The following KLHL32 variants were observed in gnomAD, a reference collection of about 807,000 sequenced individuals.
KLHL32 encodes kelch like family member 32.
A neutral mutation model predicts 64.8 loss-of-function variants in KLHL32; 35 were observed. The observed-to-expected ratio is 0.54, with a 90% CI of 0.41 to 0.72. KLHL32 has a LOEUF of 0.72. KLHL32 is among the 30% of genes least tolerant of loss of function. The pLI is 0.00. For synonymous variants in KLHL32, 259 were observed against 281.0 expected (o/e 0.92, Z 0.78); for missense variants, 589 against 768.5 (o/e 0.77, Z 2.76).
chr6:96,942,024 C>T (rs1771353447), intron 1 of KLHL32, among the ~76,000 whole-genome samples: 1 of 152,180 alleles, frequency 6.6e-6, no homozygotes, highest in Admixed American at 6.5e-5. Flanking sequence ...TATATAGTAA[C>T]TTAGGTAAGG....
At chr6:96,939,106 T>C (rs1282037603) in intron 1 of KLHL32, among the ~76,000 whole-genome samples, 1 of 152,240 alleles carries the variant, frequency 6.6e-6, no homozygotes. Flanking sequence ...CCACACCTTA[T>C]TGGCTTGCAT....
intron 1 of KLHL32, among the ~76,000 whole-genome samples, chr6:96,943,312 G>C (rs901513676): frequency 2.0e-5 from 3 of 151,734 alleles, no homozygotes; most frequent in African/African-American, 7.3e-5. Flanking sequence ...GCTCTTAAAG[G>C]GTTGGTCTCT....
At chr6:97,093,162 TA>T (rs11343381) in intron 6 of KLHL32, among the ~76,000 whole-genome samples, 93,256 of 151,956 alleles carry the variant, frequency 0.61, 28,751 homozygotes, top group African/African-American at 0.67. Context: ...ATATTGCTGC[TA>T]ACCTGGGTTA....
At chr6:97,001,347 A>G (rs1779009073) in intron 3 of KLHL32, among the ~76,000 whole-genome samples, 2 of 152,216 alleles carry the variant, frequency 1.3e-5, no homozygotes, top group African/African-American at 4.8e-5. Context: ...CATACATTTT[A>G]TTAATTAAAT....
chr6:96,974,583 C>T (rs1377231742), intron 2 of KLHL32, among the ~76,000 whole-genome samples: 11 of 152,168 alleles, frequency 7.2e-5, no homozygotes, highest in Non-Finnish European at 1.5e-4. Context: ...ATATCATCAC[C>T]GTCTGTCAAG....
At chr6:97,124,504 G>A (rs943484930) in intron 7 of KLHL32, among the ~76,000 whole-genome samples, 1 of 152,104 alleles carries the variant, frequency 6.6e-6, no homozygotes, top group Non-Finnish European at 1.5e-5. Context: ...GAGAGGGGAT[G>A]TAATAGCTAC....
At chr6:97,046,499 T>C (rs78303912) in intron 4 of KLHL32, among the ~76,000 whole-genome samples, 1 of 152,196 alleles carries the variant, frequency 6.6e-6, no homozygotes, top group Non-Finnish European at 1.5e-5. Flanking sequence ...TTGGAAACTG[T>C]GCCTTTTCAA....
At chr6:97,024,965 A>G (rs1782516341) in intron 3 of KLHL32, 2 of 982,960 alleles carry the variant, frequency 2.0e-6, no homozygotes, top group South Asian at 4.7e-5. Context: ...TTTAAAGTAA[A>G]ATTTGCATTC....
chr6:97,074,463 G>A (rs1284503474), intron 5 of KLHL32, among the ~76,000 whole-genome samples: 2 of 152,052 alleles, frequency 1.3e-5, no homozygotes, highest in Middle Eastern at 3.2e-3. Context: ...TAAAGATATT[G>A]ATGCTATGTA....
chr6:96,936,661 G>A (rs936873337), intron 1 of KLHL32, among the ~76,000 whole-genome samples: 4 of 152,104 alleles, frequency 2.6e-5, no homozygotes, highest in Non-Finnish European at 4.4e-5. Flanking sequence ...GGTCTTCTTT[G>A]CCTCCTATAG....
chr6:97,034,083 T>C (rs982818461), intron 3 of KLHL32, among the ~76,000 whole-genome samples: 9 of 151,788 alleles, frequency 5.9e-5, no homozygotes, highest in African/African-American at 2.2e-4. Flanking sequence ...TGGTGTCTTA[T>C]CCAAAAAATT....
chr6:96,935,385 G>A (rs1265420715), intron 1 of KLHL32, among the ~76,000 whole-genome samples: 1 of 152,172 alleles, frequency 6.6e-6, no homozygotes, highest in Non-Finnish European at 1.5e-5. Context: ...GACTAGAATT[G>A]TTTTATTGAG....
At chr6:96,921,975 T>C (rs975294656), upstream of KLHL32, among the ~76,000 whole-genome samples, 4 of 152,190 alleles carry the variant, frequency 2.6e-5, no homozygotes, top group African/African-American at 9.7e-5. Context: ...TCAACCAAAC[T>C]CTAGGATACT....
intron 6 of KLHL32, among the ~76,000 whole-genome samples, chr6:97,106,496 A>G (rs1288118548): frequency 6.6e-6 from 1 of 152,194 alleles, no homozygotes; most frequent in African/African-American, 2.4e-5. Context: ...TAATCCCAGC[A>G]CTTTAGGAGG....
the KLHL32 span, among the ~76,000 whole-genome samples, chr6:96,916,728 G>A: frequency 6.6e-6 from 1 of 152,160 alleles, no homozygotes; most frequent in Admixed American, 6.5e-5. Context: ...AAAGGCCCCA[G>A]TGAAAACATG....
intron 6 of KLHL32, among the ~76,000 whole-genome samples, chr6:97,089,575 T>G (rs770210498): frequency 2.6e-5 from 4 of 152,136 alleles, no homozygotes; most frequent in Non-Finnish European, 5.9e-5. Flanking sequence ...GGTCAGGAAT[T>G]TGAAACCAGC....
the KLHL32 span, among the ~76,000 whole-genome samples, chr6:96,900,442 TA>T: frequency 1.3e-5 from 2 of 152,210 alleles, no homozygotes; most frequent in African/African-American, 4.8e-5. Context: ...TTTTAAAAAA[TA>T]AAAAATGCTA....
At chr6:96,982,938 A>G (rs1032740168) in intron 3 of KLHL32, among the ~76,000 whole-genome samples, 2 of 152,236 alleles carry the variant, frequency 1.3e-5, no homozygotes, top group Admixed American at 1.3e-4. Flanking sequence ...GTGGTGAGAG[A>G]GGGCATCCCT....
chr6:97,095,924 A>G (rs1020559604), intron 6 of KLHL32, among the ~76,000 whole-genome samples: 8 of 152,298 alleles, frequency 5.3e-5, no homozygotes, highest in Non-Finnish European at 1.2e-4. Flanking sequence ...ATTTGGCAAT[A>G]TTCTGCTTGA....
Sources: gnomAD v4.1 joint callset for allele counts (sites outside exome capture counted in the v4.1 genomes callset) on GRCh38, gnomAD v4.1.1 for gene constraint, MANE v1.5 for transcripts, NCBI Gene and HGNC (gene_info 2026-07-23, HGNC 2026-07-21) for gene names.